The following TTC14 variants were observed in gnomAD, a reference collection of about 807,000 sequenced individuals.
TTC14 encodes tetratricopeptide repeat domain 14.
A neutral mutation model predicts 79.9 loss-of-function variants in TTC14; 63 were observed. The observed-to-expected ratio is 0.79, with a 90% CI of 0.64 to 0.97. The LOEUF (loss-of-function observed/expected upper bound fraction) is 0.97, where lower values mean the gene tolerates loss of function less well. Among genes scored for constraint, TTC14 ranks in the 50% least tolerant of loss-of-function variants. The probability of loss-of-function intolerance (pLI) is 0.00; values close to 1 mark genes in which losing one functional copy is unlikely to be tolerated. For missense variants in TTC14, 895 were observed against 894.0 expected (o/e 1.00, Z -0.01); for synonymous variants, 335 against 309.6 (o/e 1.08, Z -0.86).
intron 12 of TTC14, chr3:180,616,233 T>C (rs763335498): frequency 6.6e-7 from 1 of 1,504,496 alleles, no homozygotes; most frequent in East Asian, 2.3e-5. Flanking sequence ...AATCACTTAG[T>C]GTACAGCTGT....
chr3:180,602,269 G>A lies in TTC14; in HGVS notation c.8G>A (p.Arg3Gln), dbSNP rs915234036. 2 of 1,613,764 alleles carry A rather than the reference G, an allele frequency of 1.2e-6. No homozygotes were observed. Among genetic ancestry groups the A allele is most frequent in the Non-Finnish European group, 1.7e-6 (2 of 1,179,986 alleles). Reference sequence around the variant, plus strand: ...GCCCTGCATTCTCTAGCCATGGACCGGGACCTTTTGCGGCAGTCGCTAAAT... The same window carrying A: ...GCCCTGCATTCTCTAGCCATGGACCAGGACCTTTTGCGGCAGTCGCTAAAT... The part of the protein sequence containing the change: MD[R>Q]DLLRQSLNCH... Residue 3 changes from arginine (R) to glutamine (Q), a missense_variant, in exon 1 of 12, where the codon CGG (arginine) becomes CAG (glutamine). Arg to Gln is a conservative substitution (Grantham distance 43). Transcript: ENST00000296015.
rs755867668 is a variant in TTC14, at chr3:180,609,964, C to G, written c.1735C>G (p.Leu579Val). Residue 579 changes from leucine (L) to valine (V), a missense_variant, in exon 12 of 12, where the codon CTC becomes GTC. By Grantham distance (32) the Leu-to-Val change is conservative. Transcript: ENST00000296015. ...GATAAAAGAGAAAGATAGATGCCCTCTCTCTTCATCTTCACTTGAAATACC... is the reference window on the plus strand; with the variant it reads ...GATAAAAGAGAAAGATAGATGCCCTGTCTCTTCATCTTCACTTGAAATACC... The part of the protein sequence containing the change: ...TQIKEKDRCP[L>V]SSSSLEIPDD... 2.1e-5 allele frequency: 34 copies of G among 1,613,946 alleles called. No homozygotes were observed. Among genetic ancestry groups the G allele is most frequent in the Non-Finnish European group, 2.7e-5 (32 of 1,179,946 alleles).
intron 3 of TTC14, 176 bp downstream of exon 3, chr3:180,603,499 C>T (rs962548803): frequency 1.6e-6 from 1 of 618,506 alleles, no homozygotes; most frequent in South Asian, 2.0e-5. Context: ...CAGTTTCTCC[C>T]TCCATTTCTG....
Position 180,607,744 on chromosome 3 carries a change from G to A in TTC14, c.1269G>A (p.Gln423=), listed in dbSNP as rs1222295293. The A allele has an allele frequency of 1.2e-6, 2 of 1,611,216 alleles. No homozygotes were observed. Among genetic ancestry groups the A allele is most frequent in the African/African-American group, 1.3e-5 (1 of 74,864 alleles). The change falls in exon 10 of 12, where the codon CAG becomes CAA. Residue 423 remains glutamine (Q), a synonymous_variant. Coordinates refer to ENST00000296015, the MANE Select transcript of TTC14 (RefSeq NM_133462.4). ...ETFKDAEDAL[Q]KLHKYMQKSL... is the part of the protein sequence containing the mutation. Reference sequence around the variant, plus strand: ...TTAAAGATGCAGAGGATGCTTTGCAGAAACTTCATAAATATATGCAGGTGA... The same window carrying A: ...TTAAAGATGCAGAGGATGCTTTGCAAAAACTTCATAAATATATGCAGGTGA...
rs1211404862 is a variant in TTC14 at position 180,610,976 on chromosome 3, A to T, written c.*434A>T. 1 of 951,330 alleles carries T rather than the reference A, an allele frequency of 1.1e-6. No homozygotes were observed. The highest frequency in any genetic ancestry group is 1.3e-6 in the Non-Finnish European group (1 of 799,068). 58.9% of individuals were successfully genotyped at this position (951,330 alleles called of 1,614,324 possible). ...ATTAAAAATCGTCAGCTTTTGAAAG[A>T]TTATATGTTCGAATGTTTCTTGAAC... On this transcript the variant is annotated 3_prime_UTR_variant, in exon 12 of 12. Transcript: ENST00000296015.
At position 180,605,018 on chromosome 3, in the gene TTC14, T is replaced by C; in HGVS notation, c.857+11T>C. 6.2e-7 allele frequency: 1 copy of C among 1,600,884 alleles called. No homozygotes were observed. Among genetic ancestry groups the C allele is most frequent in the Middle Eastern group, 1.7e-4 (1 of 5,976 alleles). On this transcript the variant is annotated intron_variant, in intron 6 of 11. Transcript: ENST00000296015. ...GAGAGGCCTACAAAGGTATAGTACA[T>C]CAGTATTACTCTTAGATGGTGAGGG...
chr3:180,610,185 G>T lies in TTC14; in HGVS notation c.1956G>T (p.Glu652Asp). 6.2e-7 allele frequency: 1 copy of T among 1,613,780 alleles called. No homozygotes were observed. Among genetic ancestry groups the T allele is most frequent in the South Asian group, 1.1e-5 (1 of 91,036 alleles). Residue 652 changes from glutamate (E) to aspartate (D), a missense_variant, in exon 12 of 12, where the codon GAG becomes GAT. Transcript: ENST00000296015. ...YGYRRFEKDI[E>D]GRKEHYRRWE... Reference sequence around the variant, plus strand: ...ATAGGAGATTTGAAAAGGATATAGAGGGAAGAAAAGAGCACTATAGAAGGT... The same window carrying T: ...ATAGGAGATTTGAAAAGGATATAGATGGAAGAAAAGAGCACTATAGAAGGT...
chr3:180,609,600 T>C (rs1716875380), intron 11 of TTC14, 30 bp from the exon 12 acceptor site: 1 of 1,484,234 alleles, frequency 6.7e-7, no homozygotes, highest in African/African-American at 1.4e-5. Flanking sequence ...CATTTTTGTA[T>C]ATATATGACA....
downstream of TTC14, chr3:180,615,194 A>G: frequency 2.9e-6 from 2 of 685,236 alleles, no homozygotes; most frequent in South Asian, 4.6e-5. Context: ...AAAAGTACAT[A>G]TTAATAGTGT....
Position 180,606,466 on chromosome 3 carries a change from G to C in TTC14, c.1050-15G>C. The stretch of plus-strand genomic sequence containing the variant: ...TTGTGAGATACAGCCCTCTATCTTT[G>C]TTTCATGTCTCTAGATATGCGACAA... On this transcript the variant is annotated splice_polypyrimidine_tract_variant and intron_variant, in intron 8 of 11. Transcript: ENST00000296015. 6.2e-7 allele frequency: 1 copy of C among 1,613,382 alleles called. No individual in the cohort carries two copies. The highest frequency in any genetic ancestry group is 8.5e-7 in the Non-Finnish European group (1 of 1,179,760).
At position 180,602,356 on chromosome 3, in the gene TTC14, G is replaced by T; in HGVS notation, c.95G>T (p.Arg32Leu). 2 of 1,612,500 alleles carry T rather than the reference G, an allele frequency of 1.2e-6. No homozygotes were observed. Among genetic ancestry groups the T allele is most frequent in the South Asian group, 2.2e-5 (2 of 91,050 alleles). The change falls in exon 1 of 12, where the codon CGT becomes CTT. Residue 32 changes from arginine (R) to leucine (L), a missense_variant. Transcript: ENST00000296015. ...GAACAGCAGGACAATCCACACTTCC[G>T]TAGCCTCCTGGGGTCGGCCGCCGAG... ...RSEQQDNPHFRSLLGSAAEPA... is the reference protein window; with the variant it reads ...RSEQQDNPHFLSLLGSAAEPA...
intron 7 of TTC14, 147 bp from the exon 8 acceptor site, chr3:180,606,106 G>A: frequency 1.8e-6 from 2 of 1,111,860 alleles, no homozygotes; most frequent in Non-Finnish European, 2.5e-6. Flanking sequence ...AAAGGCAGAA[G>A]AACGTTCCTT....
downstream of TTC14, among the ~76,000 whole-genome samples, chr3:180,613,647 A>G (rs28502565): frequency 0.32 from 48,370 of 152,020 alleles, 8,885 homozygotes; most frequent in African/African-American, 0.51. Context: ...TACAACCTCT[A>G]CCTTCATAGA....
At chr3:180,617,460 G>T (rs778092571) in exon 13 of TTC14, 25 of 688,110 alleles carry the variant, frequency 3.6e-5, no homozygotes, top group South Asian at 2.8e-4. Flanking sequence ...AGAGGGCATT[G>T]TTATCATAGA....
At chr3:180,604,169 C>A in intron 3 of TTC14, 56 bp from the exon 4 acceptor site, 2 of 1,435,844 alleles carry the variant, frequency 1.4e-6, no homozygotes, top group Non-Finnish European at 2.0e-6. Context: ...TAAAAGAAGA[C>A]ACTGTTCTTA....
At chr3:180,602,641 C>T (rs2108388630) in intron 1 of TTC14, 4 of 712,090 alleles carry the variant, frequency 5.6e-6, no homozygotes, top group Admixed American at 3.3e-5. Flanking sequence ...TTGGTAGAGG[C>T]GCAGATTCCT....
In TTC14 at chr3:180,608,731, G is replaced by A. The variant is rs1395482100; in HGVS notation, c.1321G>A (p.Glu441Lys). 2.6e-6 allele frequency: 4 copies of A among 1,545,366 alleles called. No individual in the cohort carries two copies. Among genetic ancestry groups the A allele is most frequent in the Non-Finnish European group, 3.5e-6 (4 of 1,150,030 alleles). ...KSLELREKQAEKEEKQKTKKI... is the reference protein window; with the variant it reads ...KSLELREKQAKKEEKQKTKKI... The stretch of plus-strand genomic sequence containing the variant: ...TTTGGAATTAAGAGAAAAACAAGCT[G>A]AAAAGGAAGAAAAGCAGAAAACAAA... The change falls in exon 11 of 12, where the codon GAA becomes AAA. Residue 441 changes from glutamate to lysine, a missense_variant. Glu to Lys is a moderately conservative substitution (Grantham distance 56, BLOSUM62 1). Coordinates refer to ENST00000296015, the MANE Select transcript of TTC14 (RefSeq NM_133462.4).
intron 6 of TTC14, chr3:180,605,454 T>C (rs1030998673): frequency 9.2e-6 from 2 of 218,200 alleles, no homozygotes; most frequent in Non-Finnish European, 1.8e-5. Flanking sequence ...TTTTTTTTCT[T>C]TGATTTTTAG....
Position 180,605,128 on chromosome 3 carries a change from G to A in TTC14, c.857+121G>A, listed in dbSNP as rs138260914. 1,062 of 914,522 alleles carry A rather than the reference G, an allele frequency of 1.2e-3. 9 individuals carry two copies. In the African/African-American group the frequency reaches 0.016, roughly 14 times the overall value. The allele number at this position is 914,522 out of a possible 1,614,324, so 56.7% of individuals were successfully genotyped here. A position where few individuals can be genotyped will look rare whatever the true frequency, so the allele number is the denominator to read the frequency against. ...CACCTAGTAGCAGGCATATGCCAAA[G>A]GTTGAATGAACCAGGTGATCCCATC... On this transcript the variant is annotated intron_variant, in intron 6 of 11. Coordinates refer to ENST00000296015, the MANE Select transcript of TTC14 (RefSeq NM_133462.4).
Sources: allele counts gnomAD v4.1 joint callset (sites outside exome capture counted in the v4.1 genomes callset), GRCh38; gene constraint gnomAD v4.1.1; transcripts MANE v1.5; gene names NCBI Gene and HGNC (gene_info 2026-07-23, HGNC 2026-07-21).